CACNA2D3: variants seen among roughly 807,000 people sequenced by gnomAD.
The protein encoded by CACNA2D3 is voltage-dependent calcium channel subunit alpha-2/delta-3.
CACNA2D3 carries 60 observed loss-of-function variants against 160.6 expected under a neutral mutation model. That is an observed-to-expected ratio of 0.37 (90% CI 0.30 to 0.46). The LOEUF is 0.46. CACNA2D3 is among the 20% of genes least tolerant of loss of function. The pLI is 1.00. For missense variants in CACNA2D3, 1,205 were observed against 1,365.0 expected (o/e 0.88, Z 1.85); for synonymous variants, 558 against 492.9 (o/e 1.13, Z -1.75).
At chr3:54,893,991 C>T (rs1448631020) in intron 25 of CACNA2D3, among the ~76,000 whole-genome samples, 3 of 152,030 alleles carry the variant, frequency 2.0e-5, no homozygotes, top group African/African-American at 7.2e-5. Flanking sequence ...CACTCTTTCA[C>T]ATATGGTGTT....
chr3:54,442,009 G>T (rs1027954454), intron 4 of CACNA2D3, among the ~76,000 whole-genome samples: 1 of 152,132 alleles, frequency 6.6e-6, no homozygotes, highest in African/African-American at 2.4e-5. Flanking sequence ...TCTTACGACT[G>T]TGTTGCCCAG....
chr3:54,550,232 C>T (rs1470140590), intron 5 of CACNA2D3, among the ~76,000 whole-genome samples: 1 of 152,162 alleles, frequency 6.6e-6, no homozygotes, highest in Non-Finnish European at 1.5e-5. Flanking sequence ...CTGAGCCCAC[C>T]CCATCCTGCA....
chr3:54,864,825 C>T (rs1448737064), intron 17 of CACNA2D3, among the ~76,000 whole-genome samples: 1 of 152,202 alleles, frequency 6.6e-6, no homozygotes, highest in Non-Finnish European at 1.5e-5. Flanking sequence ...AGACCACAGG[C>T]TCAGAAACGA....
At chr3:54,383,774 A>G (rs542740841) in intron 3 of CACNA2D3, among the ~76,000 whole-genome samples, 15 of 152,176 alleles carry the variant, frequency 9.9e-5, no homozygotes, top group Admixed American at 9.8e-4. Context: ...ATTCTCATGT[A>G]TTTACTTCAC....
At chr3:54,506,326 G>A (rs542670694) in intron 5 of CACNA2D3, among the ~76,000 whole-genome samples, 3 of 152,234 alleles carry the variant, frequency 2.0e-5, no homozygotes, top group South Asian at 2.1e-4. Context: ...TACCCCCAGC[G>A]AAGAAAACCA....
chr3:54,146,347 T>C (rs1005474955), intron 2 of CACNA2D3, among the ~76,000 whole-genome samples: 7 of 152,348 alleles, frequency 4.6e-5, no homozygotes, highest in Non-Finnish European at 1.0e-4. Context: ...CAGGGACTGA[T>C]GCTGAGAGTG....
In CACNA2D3 at chr3:54,515,180, G is replaced by GTGTC. The variant is rs1053163370; in HGVS notation, c.544+11529_544+11530insCTGT. ...AAAATCCGTGTGTGTGTGTCTGTGT[G>GTGTC]TGTGTGTGTGTGTGTGTGTGAGAGA... On this transcript the variant is annotated intron_variant, in intron 5 of 37. Coordinates refer to ENST00000474759, the MANE Select transcript of CACNA2D3 (RefSeq NM_018398.3). Among the ~76,000 whole-genome samples the GTGTC allele has an allele frequency of 1.0e-4, 14 of 136,928 alleles. No individual in the cohort carries two copies. In the East Asian group the frequency reaches 3.2e-3, roughly 31 times the overall value. 89.8% of individuals were successfully genotyped at this position (136,928 alleles called of 152,430 possible).
intron 17 of CACNA2D3, among the ~76,000 whole-genome samples, chr3:54,862,059 C>A (rs1005641583): frequency 6.6e-6 from 1 of 152,082 alleles, no homozygotes; most frequent in African/African-American, 2.4e-5. Context: ...AGAAGACGGA[C>A]CAATGATGGA....
chr3:54,160,680 C>T (rs557346135), intron 2 of CACNA2D3, among the ~76,000 whole-genome samples: 1 of 152,242 alleles, frequency 6.6e-6, no homozygotes, highest in African/African-American at 2.4e-5. Flanking sequence ...GTTGTCAAAT[C>T]TGGGAAGACC....
At chr3:54,808,102 G>A (rs1418798134) in intron 13 of CACNA2D3, among the ~76,000 whole-genome samples, 1 of 150,444 alleles carries the variant, frequency 6.6e-6, no homozygotes, top group Non-Finnish European at 1.5e-5. Flanking sequence ...TATACCTAAT[G>A]CTAAATGATG....
chr3:54,709,722 C>G (rs1700920730), intron 11 of CACNA2D3, among the ~76,000 whole-genome samples: 1 of 152,088 alleles, frequency 6.6e-6, no homozygotes, highest in African/African-American at 2.4e-5. Flanking sequence ...ACCAGTAGTT[C>G]AAGACCAGCC....
intron 9 of CACNA2D3, among the ~76,000 whole-genome samples, chr3:54,601,879 A>G (rs1465918264): frequency 2.0e-5 from 3 of 152,036 alleles, no homozygotes; most frequent in Non-Finnish European, 4.4e-5. Flanking sequence ...GACACTGGCT[A>G]ATTTTAATAG....
At chr3:55,054,163 G>C (rs1461272878) in intron 35 of CACNA2D3, among the ~76,000 whole-genome samples, 5 of 151,782 alleles carry the variant, frequency 3.3e-5, no homozygotes, top group African/African-American at 1.2e-4. Flanking sequence ...ACTTACCTTA[G>C]GATAATATAA....
At chr3:54,558,985 G>A (rs1702282073) in intron 5 of CACNA2D3, among the ~76,000 whole-genome samples, 1 of 152,108 alleles carries the variant, frequency 6.6e-6, no homozygotes, top group African/African-American at 2.4e-5. Context: ...AGGAGGTAAA[G>A]TAAGCACCAC....
chr3:54,838,670 G>A (rs780127912), intron 16 of CACNA2D3, 22 bp downstream of exon 16: 2 of 1,546,000 alleles, frequency 1.3e-6, no homozygotes, highest in South Asian at 2.2e-5. Context: ...CCTAATCCCT[G>A]AAATCAAAGC....
chr3:54,977,250 A>G (rs143122106), intron 29 of CACNA2D3, among the ~76,000 whole-genome samples: 1,851 of 152,268 alleles, frequency 0.012, 17 homozygotes, highest in Middle Eastern at 0.031. Context: ...TGCTGTTGAA[A>G]TTATTCTCTT....
intron 11 of CACNA2D3, among the ~76,000 whole-genome samples, chr3:54,684,055 C>G (rs1166882804): frequency 6.7e-6 from 1 of 148,272 alleles, no homozygotes; most frequent in African/African-American, 2.5e-5. Flanking sequence ...ACTGCAACCT[C>G]TCTCCCCCAG....
At chr3:54,490,741 ACCAT>A (rs1486995861) in intron 4 of CACNA2D3, among the ~76,000 whole-genome samples, 1 of 152,130 alleles carries the variant, frequency 6.6e-6, no homozygotes, top group Non-Finnish European at 1.5e-5. Context: ...TGGAGTGAAT[ACCAT>A]GAGGGAAAGG....
intron 2 of CACNA2D3, among the ~76,000 whole-genome samples, chr3:54,201,050 G>A (rs960632178): frequency 3.9e-5 from 6 of 152,162 alleles, no homozygotes; most frequent in African/African-American, 1.2e-4. Flanking sequence ...GTGTGTGGCC[G>A]GTCTGAAATG....
Sources: gnomAD v4.1 joint callset for allele counts (sites outside exome capture counted in the v4.1 genomes callset) on GRCh38, gnomAD v4.1.1 for gene constraint, MANE v1.5 for transcripts, NCBI Gene and HGNC (gene_info 2026-07-23, HGNC 2026-07-21) for gene names.